The following R3HDM4 variants were observed in gnomAD, a reference collection of about 807,000 sequenced individuals.
The protein encoded by R3HDM4 is R3H domain-containing protein 4.
Under a neutral mutation model 31.3 loss-of-function variants are expected in R3HDM4, and 30 were observed. The observed-to-expected ratio is 0.96, with a 90% confidence interval of 0.72 to 1.30. R3HDM4 has a LOEUF of 1.30. Ranked by LOEUF, R3HDM4 falls within the 50% of genes most tolerant of loss-of-function variation. R3HDM4 has a pLI of 0.00. For synonymous variants in R3HDM4, 196 were observed against 156.6 expected (o/e 1.25, Z -1.88); for missense variants, 444 against 366.1 (o/e 1.21, Z -1.74).
At chr19:904,139 TGGG>T (rs2036874008) in intron 1 of R3HDM4, among the ~76,000 whole-genome samples, 1 of 152,138 alleles carries the variant, frequency 6.6e-6, no homozygotes, top group African/African-American at 2.4e-5. Context: ...CTCCAGGGTC[TGGG>T]GGTACCAGGA....
Position 897,382 on chromosome 19 carries a change from A to G in R3HDM4, c.*55T>C. 1.5e-6 allele frequency: 2 copies of G among 1,298,960 alleles called. No individual in the cohort carries two copies. The highest frequency in any genetic ancestry group is 1.5e-5 in the African/African-American group (1 of 67,106). The allele number at this position is 1,298,960 out of a possible 1,614,324, so 80.5% of individuals were successfully genotyped here. A position where few individuals can be genotyped will look rare whatever the true frequency, so the allele number is the denominator to read the frequency against. On this transcript the variant is annotated 3_prime_UTR_variant, in exon 8 of 8. Transcript: ENST00000361574. Reference sequence around the variant, plus strand: ...TATGAAAGATATTTTAGCCGAAGGTATCGGAGGGCTTGATGGCTGGGCGAG... The same window carrying G: ...TATGAAAGATATTTTAGCCGAAGGTGTCGGAGGGCTTGATGGCTGGGCGAG...
In R3HDM4 at chr19:897,534, T is replaced by G. The variant is rs771662368; in HGVS notation, c.710A>C (p.Asp237Ala). Residue 237 changes from aspartate to alanine, a missense_variant, in exon 8 of 8, where the codon GAC (aspartate) becomes GCC (alanine). Coordinates refer to ENST00000361574, the MANE Select transcript of R3HDM4 (RefSeq NM_138774.4). ...CTTCATCTGCCGCTTCCCCTCCAGG[T>G]CAGCACCTGCAGACGGGACCAGCGG... is the stretch of plus-strand genomic sequence containing the variant. ...QYMDLISASA[D>A]LEGKRQMKVS... The G allele has an allele frequency of 1.4e-5, 23 of 1,610,946 alleles. No individual in the cohort carries two copies. The highest frequency in any genetic ancestry group is 5.5e-5 in the South Asian group (5 of 90,572).
At position 901,477 on chromosome 19, in the gene R3HDM4, G is replaced by A; in HGVS notation, c.296C>T (p.Pro99Leu). Residue 99 changes from proline to leucine, a missense_variant, in exon 3 of 8, where the codon CCC becomes CTC. Coordinates refer to ENST00000361574, the MANE Select transcript of R3HDM4 (RefSeq NM_138774.4). ...GGCAAAGATGCCTGGTGATGCAGGG[G>A]GTGCCAAGTCCCCATCCTCCAGGCC... ...LPGLEDGDLA[P>L]PASPGIFAEA... 6.2e-7 allele frequency: 1 copy of A among 1,609,588 alleles called. No individual in the cohort carries two copies. Among genetic ancestry groups the A allele is most frequent in the Non-Finnish European group, 8.5e-7 (1 of 1,179,718 alleles).
At chr19:901,395 A>AG (rs770241559) in intron 3 of R3HDM4, 27 bp downstream of exon 3, 2 of 1,593,128 alleles carry the variant, frequency 1.3e-6, no homozygotes, top group Non-Finnish European at 1.7e-6. Flanking sequence ...CCCCGTGTGG[A>AG]GGGAGTGAGG....
intron 1 of R3HDM4, among the ~76,000 whole-genome samples, chr19:902,861 G>C (rs906256008): frequency 6.6e-6 from 1 of 151,540 alleles, no homozygotes; most frequent in African/African-American, 2.4e-5. Flanking sequence ...AGAATCGCTT[G>C]AACCCGGGAG....
chr19:900,436 C>T (rs2036813131), intron 4 of R3HDM4, among the ~76,000 whole-genome samples: 2 of 151,248 alleles, frequency 1.3e-5, no homozygotes. Flanking sequence ...AGCCCCACCC[C>T]TACCCACTGC....
At position 897,638 on chromosome 19, in the gene R3HDM4, A is replaced by G. The variant is rs1007015322; in HGVS notation, c.704-98T>C. On this transcript the variant is annotated intron_variant, in intron 7 of 7. Transcript: ENST00000361574. ...GCACCACCCTCGCTTCTTCCCAGGG[A>G]GGTCACCGCCAGCTGGTGTGTGCTG... 3 of 940,336 alleles carry G rather than the reference A, an allele frequency of 3.2e-6. No homozygotes were observed. In the African/African-American group the frequency reaches 4.9e-5, roughly 15 times the overall value. The allele number at this position is 940,336 out of a possible 1,614,324, so 58.2% of individuals were successfully genotyped here.
Position 899,239 on chromosome 19 carries a change from G to A in R3HDM4, c.703+201C>T, listed in dbSNP as rs1365452771. On this transcript the variant is annotated intron_variant, in intron 7 of 7. Coordinates refer to ENST00000361574, the MANE Select transcript of R3HDM4 (RefSeq NM_138774.4). This position sits in a 1 kb window ranked among gnomAD's most constrained non-coding sequence, Gnocchi z 6.8. ...CTGGTTGTGTCTGCGGTCACCCTGCGTGGGGCCGCATATGCAGGGAGCTTC... is the reference window on the plus strand; with the variant it reads ...CTGGTTGTGTCTGCGGTCACCCTGCATGGGGCCGCATATGCAGGGAGCTTC... Among the ~76,000 whole-genome samples, 8 of 152,180 alleles carry A rather than the reference G, an allele frequency of 5.3e-5. No individual in the cohort carries two copies. Among genetic ancestry groups the A allele is most frequent in the South Asian group, 2.1e-4 (1 of 4,828 alleles).
At chr19:912,064 G>GC (rs2036978259) in intron 1 of R3HDM4, among the ~76,000 whole-genome samples, 1 of 132,476 alleles carries the variant, frequency 7.5e-6, no homozygotes, top group South Asian at 2.8e-4. Context: ...GGAGTGGGGG[G>GC]GCAGACCCGG....
At chr19:905,295 G>A (rs866730300) in intron 1 of R3HDM4, among the ~76,000 whole-genome samples, 2 of 151,692 alleles carry the variant, frequency 1.3e-5, no homozygotes, top group Non-Finnish European at 2.9e-5. Context: ...TCGGGAGTTC[G>A]AGACCATCCT....
intron 1 of R3HDM4, among the ~76,000 whole-genome samples, chr19:908,210 AAACAAAAAC>A (rs1217893621): frequency 6.6e-6 from 1 of 151,956 alleles, no homozygotes; most frequent in Non-Finnish European, 1.5e-5. Flanking sequence ...ACAAAAACAA[AAACAAAAAC>A]AAAAAAACAT....
At position 899,608 on chromosome 19, in the gene R3HDM4, C is replaced by T. The variant is rs1323799609; in HGVS notation, c.640G>A (p.Asp214Asn). ...SPQAVYTAML[D>N]NSFERLLLHA... is the part of the protein sequence containing the mutation. ...CTGGCCGCCCCCCCTTACCTGTTGT[C>T]TAGCATTGCTGTGTACACGGCCTGG... The change falls in exon 6 of 8, where the codon GAC (aspartate) becomes AAC (asparagine). Residue 214 changes from aspartate (D) to asparagine (N), a missense_variant. Coordinates refer to ENST00000361574, the MANE Select transcript of R3HDM4 (RefSeq NM_138774.4). The surrounding 1 kb of genome is among the most constrained non-coding windows in gnomAD (Gnocchi z 6.8). The T allele has an allele frequency of 6.2e-7, 1 of 1,612,470 alleles. No homozygotes were observed. Among genetic ancestry groups the T allele is most frequent in the African/African-American group, 1.3e-5 (1 of 74,890 alleles).
At chr19:912,764 G>C (rs2036995638) in intron 1 of R3HDM4, among the ~76,000 whole-genome samples, 1 of 146,584 alleles carries the variant, frequency 6.8e-6, no homozygotes, top group Non-Finnish European at 1.5e-5. Flanking sequence ...CGGGGATTAG[G>C]GGGCGGACCG....
At chr19:903,317 G>A (rs931253817) in intron 1 of R3HDM4, among the ~76,000 whole-genome samples, 7 of 151,908 alleles carry the variant, frequency 4.6e-5, no homozygotes, top group South Asian at 2.1e-4. Flanking sequence ...AGAGCTAATC[G>A]GCCTGGCCGG....
intron 7 of R3HDM4, 105 bp from the exon 8 acceptor site, chr19:897,645 C>T (rs968613823): frequency 1.9e-5 from 17 of 883,656 alleles, no homozygotes; most frequent in South Asian, 5.0e-5. Context: ...GGGAGGTCAC[C>T]GCCAGCTGGT....
Position 900,108 on chromosome 19 carries a change from T to G in R3HDM4, c.514A>C (p.Ile172Leu). ...AYTPRECFQR[I>L]SRRLRAVLKR... The stretch of plus-strand genomic sequence containing the variant: ...AGGACGGCTCGCAGACGCCGGCTGA[T>G]GCGCTGGAAGCACTCGCGGGGTGTA... Residue 172 changes from isoleucine to leucine, a missense_variant, in exon 5 of 8, where the codon ATC becomes CTC. Physicochemically the swap from Ile to Leu is conservative, Grantham distance 5. Transcript: ENST00000361574. 2 of 1,607,324 alleles carry G rather than the reference T, an allele frequency of 1.2e-6. No individual in the cohort carries two copies. Among genetic ancestry groups the G allele is most frequent in the Non-Finnish European group, 1.7e-6 (2 of 1,177,206 alleles).
At chr19:901,073 C>G in intron 3 of R3HDM4, 121 bp from the exon 4 acceptor site, 2 of 1,253,540 alleles carry the variant, frequency 1.6e-6, no homozygotes, top group Non-Finnish European at 2.2e-6. Context: ...TCACCTCTGT[C>G]CACTGAGGGG....
chr19:911,369 A>G (rs776336077), intron 1 of R3HDM4, among the ~76,000 whole-genome samples: 3 of 152,186 alleles, frequency 2.0e-5, no homozygotes, highest in South Asian at 2.1e-4. Context: ...GCTTGAACCC[A>G]GGAGGTGGAG....
chr19:901,371 A>G (rs763933090), intron 3 of R3HDM4, 51 bp downstream of exon 3: 11 of 1,570,112 alleles, frequency 7.0e-6, no homozygotes, highest in South Asian at 2.3e-5. Context: ...TGGCCGTAGG[A>G]GAACTGCCGG....
Sources: gnomAD v4.1 joint callset for allele counts (sites outside exome capture counted in the v4.1 genomes callset) on GRCh38, gnomAD v4.1.1 for gene constraint, Gnocchi (gnomAD v3.1) non-coding constraint, MANE v1.5 for transcripts, NCBI Gene and HGNC (gene_info 2026-07-23, HGNC 2026-07-21) for gene names.